Variants in ANK2 observed in about 807,000 individuals in gnomAD.
ANK2 encodes ankyrin 2.
A neutral mutation model predicts 360.5 loss-of-function variants in ANK2; 83 were observed. The ratio of observed to expected loss-of-function variants is 0.23; its 90% CI spans 0.19 to 0.28. The LOEUF is 0.28. Among genes scored for constraint, ANK2 ranks in the 10% least tolerant of loss-of-function variants. The probability of loss-of-function intolerance (pLI) is 1.00; values close to 1 mark genes in which losing one functional copy is unlikely to be tolerated. For missense variants in ANK2, 4,201 were observed against 4,795.7 expected (o/e 0.88, Z 3.66); for synonymous variants, 1,740 against 1,759.5 (o/e 0.99, Z 0.28).
chr4:112,781,988 C>G, the ANK2 span, among the ~76,000 whole-genome samples: 1 of 151,886 alleles, frequency 6.6e-6, no homozygotes, highest in East Asian at 1.9e-4. Flanking sequence ...TACCACCATG[C>G]CCGGCTAGTT....
chr4:112,835,677 C>T (rs2060840402), intron 1 of ANK2, among the ~76,000 whole-genome samples: 1 of 151,960 alleles, frequency 6.6e-6, no homozygotes, highest in African/African-American at 2.4e-5. Flanking sequence ...AGAATAATAA[C>T]CAATTTCTGG....
intron 32 of ANK2, among the ~76,000 whole-genome samples, chr4:113,339,562 G>T (rs1042806121): frequency 6.6e-6 from 1 of 152,182 alleles, no homozygotes; most frequent in African/African-American, 2.4e-5. Context: ...TGTCTGCTTT[G>T]CCTGTATGAT....
chr4:113,119,113 C>T (rs899651274), intron 1 of ANK2, among the ~76,000 whole-genome samples: 7 of 152,132 alleles, frequency 4.6e-5, no homozygotes, highest in African/African-American at 1.4e-4. Context: ...AATCCAGAAC[C>T]ATAGGCAAGA....
chr4:113,172,635 G>C (rs910510074), intron 1 of ANK2, among the ~76,000 whole-genome samples: 1 of 152,026 alleles, frequency 6.6e-6, no homozygotes. Context: ...TGTACAAATT[G>C]GAAGTACTTT....
chr4:113,203,416 T>G (rs529510184), intron 4 of ANK2, among the ~76,000 whole-genome samples: 1 of 149,858 alleles, frequency 6.7e-6, no homozygotes, highest in East Asian at 1.9e-4. Context: ...TGCCTATTGA[T>G]ATTTGCCTAT....
At chr4:113,288,059 A>G (rs2065589458) in intron 19 of ANK2, among the ~76,000 whole-genome samples, 1 of 152,158 alleles carries the variant, frequency 6.6e-6, no homozygotes, top group Admixed American at 6.5e-5. Flanking sequence ...TCTCTATGCC[A>G]TAAAATTCTT....
At chr4:112,859,999 G>C (rs1429258556) in intron 1 of ANK2, among the ~76,000 whole-genome samples, 1 of 152,152 alleles carries the variant, frequency 6.6e-6, no homozygotes, top group East Asian at 1.9e-4. Context: ...GGGTGTTGTT[G>C]CGTCAATTGG....
intron 13 of ANK2, 115 bp from the exon 14 acceptor site, chr4:113,264,782 A>G (rs887370866): frequency 3.0e-6 from 3 of 987,874 alleles, no homozygotes; most frequent in Admixed American, 2.0e-5. Flanking sequence ...GCCTTTTCAT[A>G]GGTTTCTTAA....
the ANK2 span, among the ~76,000 whole-genome samples, chr4:112,790,600 G>A: frequency 1.2e-4 from 18 of 149,920 alleles, no homozygotes; most frequent in East Asian, 9.9e-4. Flanking sequence ...CAATTTCTCC[G>A]GCCTCAGCTT....
chr4:113,063,461 A>G (rs891059410), intron 1 of ANK2, among the ~76,000 whole-genome samples: 2 of 152,126 alleles, frequency 1.3e-5, no homozygotes, highest in Admixed American at 6.6e-5. Flanking sequence ...CTTTTCCACT[A>G]TAAAAAGAAT....
intron 2 of ANK2, among the ~76,000 whole-genome samples, chr4:113,010,926 G>A (rs1341856957): frequency 7.2e-6 from 1 of 139,762 alleles, no homozygotes; most frequent in Non-Finnish European, 1.6e-5. Context: ...CAGTGGGGCA[G>A]CAATCTGTCA....
At chr4:112,949,930 A>G (rs1481055373) in intron 2 of ANK2, among the ~76,000 whole-genome samples, 2 of 152,246 alleles carry the variant, frequency 1.3e-5, no homozygotes, top group Non-Finnish European at 2.9e-5. Flanking sequence ...AAAAATATAA[A>G]TATGAGAAAA....
At chr4:112,708,082 C>T in the ANK2 span, among the ~76,000 whole-genome samples, 1 of 152,230 alleles carries the variant, frequency 6.6e-6, no homozygotes, top group Non-Finnish European at 1.5e-5. Flanking sequence ...GAAGTACTGA[C>T]AACCTCTGGC....
intron 2 of ANK2, among the ~76,000 whole-genome samples, chr4:112,951,134 G>A (rs991963685): frequency 7.4e-5 from 11 of 147,914 alleles, no homozygotes; most frequent in Admixed American, 6.7e-5. Context: ...GTAATTTAAT[G>A]CTTGGAAGTT....
chr4:112,841,906 T>G (rs2062169748), intron 1 of ANK2, among the ~76,000 whole-genome samples: 4 of 152,196 alleles, frequency 2.6e-5, no homozygotes, highest in African/African-American at 9.6e-5. Context: ...TTAAAGTAAT[T>G]ATTTTCCCAT....
rs544049763 is a variant in ANK2 at position 112,963,611 on chromosome 4, C to T, written c.21+59097C>T. On this transcript the variant is annotated intron_variant, in intron 2 of 30. Coordinates refer to the ANK2 transcript ENST00000503271. ...TTTTTTTCCAAGTGAATCACTATTT[C>T]TCTTCATGATATTTTTCAGTCTTGA... 5.3e-5 allele frequency among the ~76,000 whole-genome samples: 8 copies of T among 152,168 alleles called. No homozygotes were observed. In the South Asian group the frequency reaches 1.7e-3, roughly 32 times the overall value.
intron 36 of ANK2, 79 bp downstream of exon 36, chr4:113,348,387 T>C (rs2154000133): frequency 3.4e-6 from 5 of 1,476,916 alleles, no homozygotes; most frequent in Non-Finnish European, 4.7e-6. Flanking sequence ...TTAACCTGTG[T>C]TCTTAGACGG....
chr4:112,977,089 T>C (rs2041680604), intron 2 of ANK2, among the ~76,000 whole-genome samples: 1 of 152,204 alleles, frequency 6.6e-6, no homozygotes, highest in African/African-American at 2.4e-5. Context: ...TCTAAAAGAA[T>C]GGTTTATACT....
intron 1 of ANK2, among the ~76,000 whole-genome samples, chr4:112,878,153 C>CCCA: frequency 1.9e-5 from 1 of 52,944 alleles, no homozygotes; most frequent in Non-Finnish European, 3.1e-5. Flanking sequence ...TAACTTTAGA[C>CCCA]TCATCTATCT....
Sources: gnomAD v4.1 joint callset for allele counts (sites outside exome capture counted in the v4.1 genomes callset) on GRCh38, gnomAD v4.1.1 for gene constraint, MANE v1.5 for transcripts, NCBI Gene and HGNC (gene_info 2026-07-23, HGNC 2026-07-21) for gene names.